DNAJC15: variants seen among roughly 807,000 people sequenced by gnomAD.
The protein encoded by DNAJC15 is dnaJ homolog subfamily C member 15.
DNAJC15 carries 27 observed loss-of-function variants against 22.4 expected under a neutral mutation model. That is an observed-to-expected ratio of 1.20 (90% CI 0.89 to 1.66). DNAJC15 has a LOEUF of 1.66. Ranked by LOEUF, DNAJC15 falls within the 40% of genes most tolerant of loss-of-function variation. DNAJC15 has a pLI of 0.00. For missense variants in DNAJC15, 208 were observed against 187.1 expected (o/e 1.11, Z -0.65); for synonymous variants, 79 against 63.2 (o/e 1.25, Z -1.19).
chr13:43,074,861 TA>T (rs67116588), intron 3 of DNAJC15, among the ~76,000 whole-genome samples: 5,122 of 152,244 alleles, frequency 0.034, 297 homozygotes, highest in African/African-American at 0.12. Flanking sequence ...ATCATGATTT[TA>T]AAAAATAAAC....
At chr13:43,030,085 A>G (rs2040397867) in intron 1 of DNAJC15, among the ~76,000 whole-genome samples, 3 of 152,234 alleles carry the variant, frequency 2.0e-5, no homozygotes, top group African/African-American at 7.2e-5. Flanking sequence ...AAATATGTGT[A>G]TAATCAGAGT....
chr13:43,045,814 C>A (rs970916609), intron 1 of DNAJC15, among the ~76,000 whole-genome samples: 3 of 152,162 alleles, frequency 2.0e-5, no homozygotes, highest in African/African-American at 7.2e-5. Context: ...ATACCTACTT[C>A]TTTATCTGCT....
chr13:43,061,287 GAGA>G (rs2040557831), intron 1 of DNAJC15, among the ~76,000 whole-genome samples: 1 of 152,178 alleles, frequency 6.6e-6, no homozygotes, highest in African/African-American at 2.4e-5. Context: ...GTGGTCAGAT[GAGA>G]AGGAGAAAAG....
At chr13:43,043,855 T>G (rs1272809086) in intron 1 of DNAJC15, among the ~76,000 whole-genome samples, 3 of 152,108 alleles carry the variant, frequency 2.0e-5, no homozygotes, top group African/African-American at 7.2e-5. Flanking sequence ...TGGGAGAAGT[T>G]CAAATGTATT....
Position 43,108,260 on chromosome 13 carries a change from G to A in DNAJC15, c.*1012G>A, listed in dbSNP as rs1054118810. 1 of 152,194 alleles carries A rather than the reference G, an allele frequency of 6.6e-6. No homozygotes were observed. The highest frequency in any genetic ancestry group is 2.4e-5 in the African/African-American group (1 of 41,454). 9.4% of individuals were successfully genotyped at this position (152,194 alleles called of 1,614,324 possible). A position where few individuals can be genotyped will look rare whatever the true frequency, so the allele number is the denominator to read the frequency against. ...TGAGGTAAGTGTTATTCTGAGATGA[G>A]AATTAGCAGAAATAGATATATCAAT... On this transcript the variant is annotated 3_prime_UTR_variant, in exon 6 of 6. Transcript: ENST00000379221.
rs1280622685 is a variant in DNAJC15 at position 43,055,389 on chromosome 13, C to T, written c.109-10297C>T. On this transcript the variant is annotated intron_variant, in intron 1 of 5. Transcript: ENST00000379221. ...CCTCACTAGCCCATTTATAAAAACC[C>T]TGACATTTTTACTAAGCAACTCACT... 2.0e-5 allele frequency among the ~76,000 whole-genome samples: 3 copies of T among 152,164 alleles called. No individual in the cohort carries two copies. In the East Asian group the frequency reaches 5.8e-4, roughly 29 times the overall value.
At chr13:43,066,906 A>C (rs2040586943) in intron 2 of DNAJC15, among the ~76,000 whole-genome samples, 1 of 152,226 alleles carries the variant, frequency 6.6e-6, no homozygotes, top group Admixed American at 6.5e-5. Flanking sequence ...GGCGTGAGCC[A>C]CCGTGCCCGG....
At chr13:43,087,812 TA>T (rs1333815103) in intron 5 of DNAJC15, among the ~76,000 whole-genome samples, 1 of 152,166 alleles carries the variant, frequency 6.6e-6, no homozygotes, top group Non-Finnish European at 1.5e-5. Flanking sequence ...ACCAGAAAAT[TA>T]GGTGTGGGAA....
At chr13:43,081,512 C>T (rs1362151099) in intron 4 of DNAJC15, among the ~76,000 whole-genome samples, 3 of 151,872 alleles carry the variant, frequency 2.0e-5, no homozygotes, top group Admixed American at 6.6e-5. Flanking sequence ...GATCTCCCCT[C>T]ACTGCAAGCT....
chr13:43,034,304 C>CT (rs1566199869), intron 1 of DNAJC15, among the ~76,000 whole-genome samples: 1 of 92,930 alleles, frequency 1.1e-5, no homozygotes, highest in African/African-American at 4.6e-5. Flanking sequence ...GGAGATTTGT[C>CT]CTTTTTTTTT....
rs529721978 is a variant in DNAJC15, at chr13:43,044,747, G to A, written c.109-20939G>A. Among the ~76,000 whole-genome samples, 15 of 151,750 alleles carry A rather than the reference G, an allele frequency of 9.9e-5. No individual in the cohort carries two copies. In the South Asian group the frequency reaches 3.1e-3, roughly 32 times the overall value. ...TTATATTTTCTCATTTCAAAACCTT[G>A]ACTCCATATCCAGTGTCTCAGCAAA... On this transcript the variant is annotated intron_variant, in intron 1 of 5. Coordinates refer to ENST00000379221, the MANE Select transcript of DNAJC15 (RefSeq NM_013238.3).
intron 5 of DNAJC15, among the ~76,000 whole-genome samples, chr13:43,095,718 A>C (rs2040736595): frequency 6.6e-6 from 1 of 152,182 alleles, no homozygotes; most frequent in African/African-American, 2.4e-5. Flanking sequence ...AAGCTAAGAA[A>C]GGAATATATT....
chr13:43,106,611 T>C (rs948220414), intron 5 of DNAJC15, among the ~76,000 whole-genome samples: 1 of 152,122 alleles, frequency 6.6e-6, no homozygotes, highest in African/African-American at 2.4e-5. Flanking sequence ...ATCTCTCATT[T>C]ATTAAGATTA....
chr13:43,063,609 G>T (rs1156296648), intron 1 of DNAJC15, among the ~76,000 whole-genome samples: 1 of 152,142 alleles, frequency 6.6e-6, no homozygotes, highest in African/African-American at 2.4e-5. Flanking sequence ...TTTTGTGTGT[G>T]TGTTTTGTGA....
chr13:43,092,848 A>C (rs1214651499), intron 5 of DNAJC15, among the ~76,000 whole-genome samples: 1 of 152,172 alleles, frequency 6.6e-6, no homozygotes, highest in Non-Finnish European at 1.5e-5. Context: ...TGGGAGATGG[A>C]GGCTACGGTG....
intron 1 of DNAJC15, among the ~76,000 whole-genome samples, chr13:43,046,572 A>G (rs540292947): frequency 7.2e-5 from 11 of 152,316 alleles, no homozygotes; most frequent in African/African-American, 2.6e-4. Flanking sequence ...CAGGAGGTAA[A>G]GAAATAGTCA....
At chr13:43,029,170 C>G (rs1408161) in intron 1 of DNAJC15, among the ~76,000 whole-genome samples, 87,249 of 151,992 alleles carry the variant, frequency 0.57, 25,146 homozygotes, top group South Asian at 0.65. Flanking sequence ...GTCTGTGTCT[C>G]TCTTGCTCAC....
chr13:43,067,961 C>T (rs2040591521), intron 2 of DNAJC15, among the ~76,000 whole-genome samples: 1 of 152,136 alleles, frequency 6.6e-6, no homozygotes, highest in East Asian at 1.9e-4. Flanking sequence ...TTTTTATCTT[C>T]ACATTTTCCC....
rs115484022 is a variant in DNAJC15, at chr13:43,104,872, A to G, written c.383-2306A>G. On this transcript the variant is annotated intron_variant, in intron 5 of 5. Coordinates refer to ENST00000379221, the MANE Select transcript of DNAJC15 (RefSeq NM_013238.3). ...CCCAACTAATTTTTTAATTTTTTGT[A>G]GAGACAGAGTCTTATTATGTTGCCC... is the stretch of plus-strand genomic sequence containing the variant. Among the ~76,000 whole-genome samples the G allele has an allele frequency of 2.8e-3, 427 of 151,430 alleles. 2 individuals carry two copies. Among genetic ancestry groups the G allele is most frequent in the African/African-American group, 9.9e-3 (409 of 41,284 alleles).
Sources: allele counts gnomAD v4.1 joint callset (sites outside exome capture counted in the v4.1 genomes callset), GRCh38; gene constraint gnomAD v4.1.1; transcripts MANE v1.5; gene names NCBI Gene and HGNC (gene_info 2026-07-23, HGNC 2026-07-21).